The following ARID1B variants were observed in gnomAD, a reference collection of about 807,000 sequenced individuals.
ARID1B encodes AT-rich interactive domain-containing protein 1B.
ARID1B carries 30 observed loss-of-function variants against 212.3 expected under a neutral mutation model. That is an observed-to-expected ratio of 0.14 (90% CI 0.11 to 0.19). The LOEUF is 0.19. ARID1B is among the 10% of genes least tolerant of loss of function. The pLI, the probability that ARID1B is intolerant of heterozygous loss-of-function variation, is 1.00. For synonymous variants in ARID1B, 1,402 were observed against 1,301.7 expected (o/e 1.08, Z -1.66); for missense variants, 2,891 against 3,204.0 (o/e 0.90, Z 2.36).
chr6:157,152,543 GAAGTT>G (rs1284219653), intron 8 of ARID1B: 1 of 152,172 alleles, frequency 6.6e-6, no homozygotes, highest in Admixed American at 6.5e-5. Flanking sequence ...AAAAAAGAAA[GAAGTT>G]AAGTTTTATT....
At chr6:156,906,296 C>A (rs1789368495) in intron 3 of ARID1B, among the ~76,000 whole-genome samples, 1 of 151,618 alleles carries the variant, frequency 6.6e-6, no homozygotes, top group Admixed American at 6.6e-5. Flanking sequence ...GCCTGTAATC[C>A]CAGCACTTTG....
chr6:156,908,653 T>C (rs1368685107), intron 3 of ARID1B, among the ~76,000 whole-genome samples: 2 of 152,202 alleles, frequency 1.3e-5, no homozygotes, highest in Non-Finnish European at 2.9e-5. Context: ...AAATTTTTTC[T>C]CTTAAGTACT....
At chr6:156,853,447 G>T (rs2128111257) in intron 2 of ARID1B, among the ~76,000 whole-genome samples, 1 of 152,272 alleles carries the variant, frequency 6.6e-6, no homozygotes, top group Non-Finnish European at 1.5e-5. Context: ...GGAGGCAGTG[G>T]CTTAACCTGG....
At chr6:156,860,447 A>G (rs1396755976) in intron 2 of ARID1B, among the ~76,000 whole-genome samples, 1 of 152,212 alleles carries the variant, frequency 6.6e-6, no homozygotes, top group Non-Finnish European at 1.5e-5. Flanking sequence ...TAAACTGGCA[A>G]TAATTTCTAA....
chr6:156,933,402 G>T (rs1791914799), intron 3 of ARID1B, among the ~76,000 whole-genome samples: 1 of 152,196 alleles, frequency 6.6e-6, no homozygotes, highest in Non-Finnish European at 1.5e-5. Flanking sequence ...TGCCCTGCTT[G>T]ATTTGAAATC....
intron 8 of ARID1B, among the ~76,000 whole-genome samples, chr6:157,160,915 A>C (rs1033452656): frequency 3.3e-5 from 5 of 152,208 alleles, no homozygotes; most frequent in African/African-American, 1.2e-4. Context: ...CTGTGAGCTC[A>C]CATAACACAC....
intron 4 of ARID1B, among the ~76,000 whole-genome samples, chr6:157,075,291 T>C (rs1486850361): frequency 1.2e-4 from 18 of 152,222 alleles, no homozygotes; most frequent in Non-Finnish European, 2.9e-5. Flanking sequence ...AATATAAAAA[T>C]AGTCTCCATA....
chr6:156,968,007 A>C (rs559242888), intron 4 of ARID1B, among the ~76,000 whole-genome samples: 1 of 152,288 alleles, frequency 6.6e-6, no homozygotes, highest in South Asian at 2.1e-4. Flanking sequence ...CTAGGAAGGA[A>C]TGTCCTTTTC....
At chr6:156,967,315 GCAGTCTTTT>G (rs1554275849) in intron 4 of ARID1B, among the ~76,000 whole-genome samples, 1 of 152,112 alleles carries the variant, frequency 6.6e-6, no homozygotes, top group Non-Finnish European at 1.5e-5. Flanking sequence ...AAATTCACAT[GCAGTCTTTT>G]CAGATAAAAA....
intron 1 of ARID1B, among the ~76,000 whole-genome samples, chr6:156,823,154 C>A (rs975228297): frequency 6.6e-6 from 1 of 151,972 alleles, no homozygotes; most frequent in South Asian, 2.1e-4. Context: ...GTGTGTAGTC[C>A]GCTGTGTTGG....
At chr6:157,015,387 C>T (rs1315043140) in intron 4 of ARID1B, among the ~76,000 whole-genome samples, 1 of 152,160 alleles carries the variant, frequency 6.6e-6, no homozygotes, top group Admixed American at 6.5e-5. Flanking sequence ...TGAAGGACAT[C>T]CTCATGGGAC....
intron 2 of ARID1B, among the ~76,000 whole-genome samples, chr6:156,849,211 TCAC>T (rs1784422289): frequency 6.6e-6 from 1 of 152,204 alleles, no homozygotes; most frequent in Admixed American, 6.5e-5. Context: ...CTGAAGGTAC[TCAC>T]GTGTTACCAG....
intron 1 of ARID1B, among the ~76,000 whole-genome samples, chr6:156,780,819 A>T (rs1779206119): frequency 6.6e-6 from 1 of 152,220 alleles, no homozygotes; most frequent in Non-Finnish European, 1.5e-5. Flanking sequence ...TGCACATTAC[A>T]TATATCATAG....
rs1468499760 is a variant in ARID1B at position 157,208,780 on chromosome 6, G to A, written c.*889G>A. On this transcript the variant is annotated 3_prime_UTR_variant, in exon 20 of 20. Coordinates refer to ENST00000636930, the MANE Select transcript of ARID1B (RefSeq NM_001374828.1). ...TTTCATGATGTGGTAACTACGAAGT[G>A]ATGGTAGATTTAAATAATTTTTTAT... is the stretch of plus-strand genomic sequence containing the variant. 3.8e-5 allele frequency: 8 copies of A among 211,784 alleles called. No individual in the cohort carries two copies. Among genetic ancestry groups the A allele is most frequent in the Admixed American group, 6.3e-5 (1 of 15,760 alleles). 13.1% of individuals were successfully genotyped at this position (211,784 alleles called of 1,614,324 possible). A position where few individuals can be genotyped will look rare whatever the true frequency, so the allele number is the denominator to read the frequency against.
intron 2 of ARID1B, among the ~76,000 whole-genome samples, chr6:156,894,267 C>CGGGGGTTGGGATGGGTGCCG (rs1788198320): frequency 3.7e-5 from 1 of 26,864 alleles, no homozygotes; most frequent in Non-Finnish European, 6.5e-5. Flanking sequence ...TGGTGCTTGC[C>CGGGGGTTGGGATGGGTGCCG]GGGGGTTGGG....
In ARID1B at chr6:156,779,313, G is replaced by T. The variant is rs2115002171; in HGVS notation, c.1633G>T (p.Ala545Ser). ...CCAGTCCCAGGCGGCGGCGGCGGGG[G>T]CGGCGGCGGGCGGCCAGCAGGCGGC... The part of the protein sequence containing the change: ...QPQSQAAAAG[A>S]AAGGQQAAAG... Residue 545 changes from alanine (A) to serine (S), a missense_variant, in exon 1 of 20, where the codon GCG (alanine) becomes TCG (serine). Physicochemically the swap from Ala to Ser is moderately conservative, Grantham distance 99 (BLOSUM62 1). This residue lies in a region of ARID1B where 1,643 missense variants were observed against 1,544.0 expected (regional missense o/e 1.06). Transcript: ENST00000636930. 1 of 1,140,854 alleles carries T rather than the reference G, an allele frequency of 8.8e-7. No homozygotes were observed. Among genetic ancestry groups the T allele is most frequent in the Non-Finnish European group, 1.1e-6 (1 of 931,140 alleles). 70.7% of individuals were successfully genotyped at this position (1,140,854 alleles called of 1,614,324 possible). A position where few individuals can be genotyped will look rare whatever the true frequency, so the allele number is the denominator to read the frequency against.
At chr6:156,934,043 AT>A (rs1791961651) in intron 3 of ARID1B, among the ~76,000 whole-genome samples, 1 of 152,210 alleles carries the variant, frequency 6.6e-6, no homozygotes, top group Non-Finnish European at 1.5e-5. Flanking sequence ...ATAAACATTA[AT>A]TTTTAAAGCA....
In ARID1B at chr6:157,123,228, C is replaced by G. The variant is rs1198856375; in HGVS notation, c.2582-9800C>G. 7.6e-4 allele frequency among the ~76,000 whole-genome samples: 11 copies of G among 14,442 alleles called. No homozygotes were observed. The East Asian group carries it at 0.032, about 42-fold the overall frequency. The allele number at this position is 14,442 out of a possible 152,430, so 9.5% of individuals were successfully genotyped here. A position where few individuals can be genotyped will look rare whatever the true frequency, so the allele number is the denominator to read the frequency against. ...TCTCTCAATCTTTCTTTCTCTCCCC[C>G]CCGCCCCCCGCCCCCCCCCCACACA... On this transcript the variant is annotated intron_variant, in intron 6 of 19. Coordinates refer to ENST00000636930, the MANE Select transcript of ARID1B (RefSeq NM_001374828.1).
Position 156,778,274 on chromosome 6 carries a change from G to A in ARID1B, c.594G>A (p.Gln198=), listed in dbSNP as rs1187066399. ...AGCAGCAGCTAAACCAGTTCCAGCA[G>A]CAGCAGCAGCAGCAGCAACAGCAGC... is the stretch of plus-strand genomic sequence containing the variant. ...ALQQQLNQFQ[Q]QQQQQQQQQQ... is the part of the protein sequence containing the mutation. The change falls in exon 1 of 20, where the codon CAG becomes CAA. Residue 198 remains glutamine (Q), a synonymous_variant. Coordinates refer to ENST00000636930, the MANE Select transcript of ARID1B (RefSeq NM_001374828.1). 6 of 1,540,168 alleles carry A rather than the reference G, an allele frequency of 3.9e-6. No homozygotes were observed. Among genetic ancestry groups the A allele is most frequent in the South Asian group, 2.4e-5 (2 of 83,840 alleles).
Sources: gnomAD v4.1 joint callset for allele counts (sites outside exome capture counted in the v4.1 genomes callset) on GRCh38, gnomAD v4.1.1 for gene constraint, gnomAD v4.1.1 regional missense constraint, MANE v1.5 for transcripts, NCBI Gene and HGNC (gene_info 2026-07-23, HGNC 2026-07-21) for gene names.